Variants in CDH12 observed in about 807,000 individuals in gnomAD.
The protein encoded by CDH12 is cadherin-12.
In CDH12, 41 loss-of-function variants were observed where a neutral mutation model predicts 74.1. That is an observed-to-expected ratio of 0.55 (90% CI 0.43 to 0.72). The LOEUF is 0.72. Ranked by LOEUF, CDH12 falls within the 30% of genes least tolerant of loss-of-function variation. CDH12 has a pLI of 0.00. For synonymous variants in CDH12, 399 were observed against 355.0 expected, an observed-to-expected ratio of 1.12 and a Z score of -1.39; for missense variants, 945 against 977.2, an observed-to-expected ratio of 0.97 and a Z score of 0.44.
At chr5:22,314,488 A>T (rs764819693) in intron 3 of CDH12, among the ~76,000 whole-genome samples, 8 of 152,206 alleles carry the variant, frequency 5.3e-5, no homozygotes, top group Admixed American at 2.6e-4. Context: ...CCAACTTCTC[A>T]GAAGAAACTG....
chr5:22,392,382 C>T (rs1408723148), intron 3 of CDH12, among the ~76,000 whole-genome samples: 1 of 152,146 alleles, frequency 6.6e-6, no homozygotes, highest in Non-Finnish European at 1.5e-5. Flanking sequence ...TCGTTCCCTA[C>T]TTTTGTTTCT....
intron 4 of CDH12, among the ~76,000 whole-genome samples, chr5:22,177,378 C>A (rs11740896): frequency 0.37 from 55,527 of 151,842 alleles, 11,735 homozygotes; most frequent in East Asian, 0.73. Context: ...GTGTGGGAAT[C>A]CCTCTGTAGA....
chr5:21,871,792 G>A (rs573452579), intron 6 of CDH12, among the ~76,000 whole-genome samples: 6 of 152,106 alleles, frequency 3.9e-5, no homozygotes, highest in African/African-American at 1.2e-4. Context: ...CCTGCACCAC[G>A]TGTAGGGTAT....
At chr5:21,916,510 AT>A (rs113750015) in intron 6 of CDH12, among the ~76,000 whole-genome samples, 3,243 of 19,418 alleles carry the variant, frequency 0.17, 121 homozygotes, top group African/African-American at 0.19. Context: ...CATTTTTTCC[AT>A]TTTTTTTTTT....
At chr5:22,842,492 A>G (rs908002665) in intron 1 of CDH12, among the ~76,000 whole-genome samples, 4 of 152,094 alleles carry the variant, frequency 2.6e-5, no homozygotes, top group Non-Finnish European at 5.9e-5. Context: ...GAGACAAAAA[A>G]ATAGTCAAGG....
At chr5:22,524,751 G>A (rs1195924071) in intron 1 of CDH12, among the ~76,000 whole-genome samples, 1 of 151,884 alleles carries the variant, frequency 6.6e-6, no homozygotes, top group African/African-American at 2.4e-5. Context: ...CACATTGTAT[G>A]TCCACCAAGT....
intron 1 of CDH12, among the ~76,000 whole-genome samples, chr5:22,731,333 A>G (rs1307672454): frequency 6.6e-6 from 1 of 151,880 alleles, no homozygotes; most frequent in Non-Finnish European, 1.5e-5. Context: ...GCCCAAAAAT[A>G]ACTATGGATG....
chr5:22,771,065 A>C (rs1746779802), intron 1 of CDH12, among the ~76,000 whole-genome samples: 1 of 152,048 alleles, frequency 6.6e-6, no homozygotes, highest in Non-Finnish European at 1.5e-5. Context: ...ACATTCTAAG[A>C]TAAGAGACAA....
rs372821500 is a variant in CDH12 at position 22,697,572 on chromosome 5, A to AG, written c.-523+155485_-523+155486insC. ...GGGCGACAGAGCGAGACTCTGTCTC[A>AG]AAAAAAAAAAAAAAAAAGAAAGAAA... On this transcript the variant is annotated intron_variant, in intron 1 of 14. Transcript: ENST00000382254. 8.4e-3 allele frequency among the ~76,000 whole-genome samples: 201 copies of AG among 23,862 alleles called. 3 individuals carry two copies. The East Asian group carries it at 0.092, about 11-fold the overall frequency. The allele number at this position is 23,862 out of a possible 152,430, so 15.7% of individuals were successfully genotyped here. A position where few individuals can be genotyped will look rare whatever the true frequency, so the allele number is the denominator to read the frequency against.
intron 1 of CDH12, among the ~76,000 whole-genome samples, chr5:22,581,394 G>A (rs1248414661): frequency 1.3e-5 from 2 of 152,120 alleles, no homozygotes; most frequent in Non-Finnish European, 2.9e-5. Flanking sequence ...CCTCTGCCTA[G>A]ATTTCAGAGG....
intron 4 of CDH12, among the ~76,000 whole-genome samples, chr5:22,082,270 C>T (rs1742789303): frequency 1.3e-5 from 2 of 152,236 alleles, no homozygotes; most frequent in Admixed American, 1.3e-4. Context: ...GAACTTTCAC[C>T]TTTTCACATA....
rs186272576 is a variant in CDH12, at chr5:21,986,275, T to C, written c.232-10890A>G. Reference sequence around the variant, plus strand: ...CTAGGATATATTACACATCCTGTTATAGAAAAAAAATATGTTATTCCCCCA... The same window carrying C: ...CTAGGATATATTACACATCCTGTTACAGAAAAAAAATATGTTATTCCCCCA... On this transcript the variant is annotated intron_variant, in intron 5 of 14. Coordinates refer to ENST00000382254, the MANE Select transcript of CDH12 (RefSeq NM_004061.5). Among the ~76,000 whole-genome samples, 381 of 152,290 alleles carry C rather than the reference T, an allele frequency of 2.5e-3. 1 individual carries two copies. Among genetic ancestry groups the C allele is most frequent in the Admixed American group, 4.0e-3 (61 of 15,294 alleles).
At chr5:22,131,372 A>C (rs1384456556) in intron 4 of CDH12, among the ~76,000 whole-genome samples, 4 of 152,012 alleles carry the variant, frequency 2.6e-5, no homozygotes, top group African/African-American at 7.2e-5. Context: ...CTGCAGACTT[A>C]ATTGTTTATC....
chr5:22,222,137 A>T (rs1260668548), intron 3 of CDH12, among the ~76,000 whole-genome samples: 4 of 151,958 alleles, frequency 2.6e-5, no homozygotes, highest in African/African-American at 9.7e-5. Context: ...TGAACAAAGT[A>T]TTGGCTTTCT....
intron 5 of CDH12, among the ~76,000 whole-genome samples, chr5:22,064,970 CA>C (rs1041740338): frequency 6.6e-6 from 1 of 152,162 alleles, no homozygotes; most frequent in Non-Finnish European, 1.5e-5. Context: ...AAAGAAATGG[CA>C]CTTGGAAAGC....
chr5:22,728,646 G>C (rs191662585), intron 1 of CDH12, among the ~76,000 whole-genome samples: 1 of 151,876 alleles, frequency 6.6e-6, no homozygotes, highest in Non-Finnish European at 1.5e-5. Context: ...TTGTGGGAAA[G>C]ATAAATATTT....
chr5:22,568,709 C>A (rs1739403624), intron 1 of CDH12, among the ~76,000 whole-genome samples: 1 of 152,186 alleles, frequency 6.6e-6, no homozygotes, highest in South Asian at 2.1e-4. Flanking sequence ...GGGTTTGGTT[C>A]CAGACCATAA....
intron 1 of CDH12, among the ~76,000 whole-genome samples, chr5:22,577,873 C>T (rs1320171696): frequency 2.0e-5 from 3 of 152,200 alleles, no homozygotes; most frequent in Admixed American, 6.5e-5. Context: ...CTGATTGCCT[C>T]ACTATCTAAA....
At chr5:22,505,979 G>A (rs955948305) in intron 1 of CDH12, among the ~76,000 whole-genome samples, 8 of 152,048 alleles carry the variant, frequency 5.3e-5, no homozygotes, top group Non-Finnish European at 2.9e-5. Context: ...TCAGCTGACT[G>A]GAGTACTTAT....
Sources: allele counts gnomAD v4.1 joint callset (sites outside exome capture counted in the v4.1 genomes callset), GRCh38; gene constraint gnomAD v4.1.1; transcripts MANE v1.5; gene names NCBI Gene and HGNC (gene_info 2026-07-23, HGNC 2026-07-21).